SMYD3: variants seen among roughly 807,000 people sequenced by gnomAD.
The protein encoded by SMYD3 is SET and MYND domain containing 3.
Under a neutral mutation model 57.7 loss-of-function variants are expected in SMYD3, and 36 were observed. That is an observed-to-expected ratio of 0.62 (90% CI 0.48 to 0.82). SMYD3 has a LOEUF of 0.82. Ranked by LOEUF, SMYD3 falls within the 40% of genes least tolerant of loss-of-function variation. The pLI is 0.00. For synonymous variants in SMYD3, 211 were observed against 195.0 expected, an observed-to-expected ratio of 1.08 and a Z score of -0.68; for missense variants, 515 against 538.8, an observed-to-expected ratio of 0.96 and a Z score of 0.44.
chr1:246,285,040 T>C (rs2064532881), intron 5 of SMYD3, among the ~76,000 whole-genome samples: 1 of 152,030 alleles, frequency 6.6e-6, no homozygotes, highest in Non-Finnish European at 1.5e-5. Flanking sequence ...TAGCGGTGAT[T>C]TGCGAGATTT....
At chr1:246,039,071 C>T (rs983433634) in intron 5 of SMYD3, among the ~76,000 whole-genome samples, 10 of 152,104 alleles carry the variant, frequency 6.6e-5, no homozygotes, top group African/African-American at 2.2e-4. Context: ...TTTTCTCCTA[C>T]CATGGAGAAG....
At chr1:246,126,896 A>T in intron 5 of SMYD3, among the ~76,000 whole-genome samples, 1 of 152,222 alleles carries the variant, frequency 6.6e-6, no homozygotes, top group East Asian at 1.9e-4. Flanking sequence ...ACACTATTTT[A>T]ATACTTAAAT....
chr1:245,824,368 C>T (rs1023624766), intron 10 of SMYD3, among the ~76,000 whole-genome samples: 6 of 152,214 alleles, frequency 3.9e-5, no homozygotes, highest in African/African-American at 1.4e-4. Context: ...TGAAACGACA[C>T]ATGAAAGGAA....
intron 1 of SMYD3, among the ~76,000 whole-genome samples, chr1:246,457,508 G>C (rs2067716475): frequency 7.9e-6 from 1 of 126,956 alleles, no homozygotes; most frequent in Non-Finnish European, 1.6e-5. Flanking sequence ...ACTCCAGCCT[G>C]AGCAACAGAG....
chr1:245,905,133 G>T (rs374407468), intron 8 of SMYD3, among the ~76,000 whole-genome samples: 1 of 151,946 alleles, frequency 6.6e-6, no homozygotes, highest in East Asian at 1.9e-4. Flanking sequence ...GAGTCTCCGG[G>T]ACTTGCTGGC....
intron 5 of SMYD3, among the ~76,000 whole-genome samples, chr1:246,262,193 T>C (rs1411420949): frequency 1.3e-5 from 2 of 152,210 alleles, no homozygotes; most frequent in East Asian, 3.8e-4. Context: ...TATTTTTGTG[T>C]GTGTGTTTTC....
chr1:246,165,568 G>A (rs1406717986), intron 5 of SMYD3, among the ~76,000 whole-genome samples: 2 of 152,048 alleles, frequency 1.3e-5, no homozygotes, highest in African/African-American at 2.4e-5. Context: ...GAGGTGAAGG[G>A]TTAAAAGTCG....
chr1:245,823,767 A>C (rs1056821803), intron 10 of SMYD3, among the ~76,000 whole-genome samples: 1 of 152,202 alleles, frequency 6.6e-6, no homozygotes, highest in African/African-American at 2.4e-5. Flanking sequence ...TGAGACCGCC[A>C]AATGAGGAAA....
chr1:245,782,964 C>G (rs2046891636), intron 10 of SMYD3, among the ~76,000 whole-genome samples: 1 of 152,206 alleles, frequency 6.6e-6, no homozygotes, highest in African/African-American at 2.4e-5. Flanking sequence ...GAAATCAAGT[C>G]TGCACCAAGC....
At chr1:246,060,471 A>C (rs2060232229) in intron 5 of SMYD3, among the ~76,000 whole-genome samples, 1 of 152,210 alleles carries the variant, frequency 6.6e-6, no homozygotes, top group Non-Finnish European at 1.5e-5. Context: ...TTTAACGACA[A>C]AAATGGCATA....
intron 1 of SMYD3, among the ~76,000 whole-genome samples, chr1:246,384,138 A>C (rs2066432414): frequency 1.3e-5 from 2 of 152,168 alleles, no homozygotes; most frequent in Non-Finnish European, 2.9e-5. Context: ...AGAAAATAAA[A>C]TGCAACTATT....
intron 5 of SMYD3, among the ~76,000 whole-genome samples, chr1:246,066,841 T>G (rs908607194): frequency 2.0e-5 from 3 of 152,238 alleles, no homozygotes; most frequent in African/African-American, 7.2e-5. Flanking sequence ...TCTTTTCATA[T>G]AATTGCATGT....
At chr1:246,142,465 G>A (rs1215258714) in intron 5 of SMYD3, among the ~76,000 whole-genome samples, 1 of 152,010 alleles carries the variant, frequency 6.6e-6, no homozygotes, top group Non-Finnish European at 1.5e-5. Flanking sequence ...CACTTTGGGA[G>A]CATTATTAAG....
chr1:245,944,745 A>T (rs948619093), intron 5 of SMYD3, among the ~76,000 whole-genome samples: 2 of 152,234 alleles, frequency 1.3e-5, no homozygotes, highest in East Asian at 3.8e-4. Context: ...AAACTACACT[A>T]CAAGGCTACT....
chr1:246,489,319 TC>T (rs2068234584), intron 1 of SMYD3, among the ~76,000 whole-genome samples: 1 of 152,008 alleles, frequency 6.6e-6, no homozygotes, highest in African/African-American at 2.4e-5. Flanking sequence ...GCCACTGCAC[TC>T]CAGCCTGGGC....
chr1:246,197,428 G>A (rs954619993), intron 5 of SMYD3, among the ~76,000 whole-genome samples: 1 of 151,924 alleles, frequency 6.6e-6, no homozygotes, highest in Admixed American at 6.6e-5. Context: ...TAATGAAAAC[G>A]GCACTTTATC....
intron 11 of SMYD3, among the ~76,000 whole-genome samples, chr1:245,763,326 G>C (rs2045933056): frequency 6.6e-6 from 1 of 152,154 alleles, no homozygotes; most frequent in Non-Finnish European, 1.5e-5. Flanking sequence ...CAGGGGTAAG[G>C]GTGGTCATCG....
intron 10 of SMYD3, among the ~76,000 whole-genome samples, chr1:245,855,625 A>G (rs2051200753): frequency 1.3e-5 from 2 of 152,244 alleles, no homozygotes; most frequent in Admixed American, 1.3e-4. Flanking sequence ...GGCTAATACT[A>G]AACATTATAC....
At chr1:246,396,070 T>C (rs1482666203) in intron 1 of SMYD3, among the ~76,000 whole-genome samples, 3 of 152,166 alleles carry the variant, frequency 2.0e-5, no homozygotes, top group Non-Finnish European at 2.9e-5. Context: ...GTCAAGAGCC[T>C]TTATGAGAGT....
Sources: gnomAD v4.1 joint callset for allele counts (sites outside exome capture counted in the v4.1 genomes callset) on GRCh38, gnomAD v4.1.1 for gene constraint, MANE v1.5 for transcripts, NCBI Gene and HGNC (gene_info 2026-07-23, HGNC 2026-07-21) for gene names.